ARHGEF28: variants seen among roughly 807,000 people sequenced by gnomAD.
ARHGEF28 encodes 190 kDa guanine nucleotide exchange factor.
ARHGEF28 carries 152 observed loss-of-function variants against 206.6 expected under a neutral mutation model. That is an observed-to-expected ratio of 0.74 (90% CI 0.64 to 0.84). ARHGEF28 has a LOEUF of 0.84. ARHGEF28 is among the 40% of genes least tolerant of loss of function. The pLI is 0.00. For missense variants in ARHGEF28, 2,028 were observed against 2,073.2 expected, an observed-to-expected ratio of 0.98 and a Z score of 0.42; for synonymous variants, 763 against 776.4, an observed-to-expected ratio of 0.98 and a Z score of 0.29.
intron 7 of ARHGEF28, among the ~76,000 whole-genome samples, chr5:73,783,621 C>A (rs1753981349): frequency 6.6e-6 from 1 of 152,114 alleles, no homozygotes; most frequent in Admixed American, 6.6e-5. Flanking sequence ...TGCCCTACAG[C>A]AGTGTGACAA....
At chr5:73,629,905 T>C (rs939308863) in intron 1 of ARHGEF28, among the ~76,000 whole-genome samples, 4 of 152,252 alleles carry the variant, frequency 2.6e-5, no homozygotes, top group African/African-American at 9.6e-5. Flanking sequence ...ACAAGCGATG[T>C]TCTCTTAAGA....
intron 35 of ARHGEF28, among the ~76,000 whole-genome samples, chr5:73,938,160 C>CCACACACACACACACACACACACACA (rs199804024): frequency 3.6e-5 from 5 of 139,548 alleles, no homozygotes; most frequent in Non-Finnish European, 6.2e-5. Flanking sequence ...CTACACTACA[C>CCACACACACACACACACACACACACA]CACACACACA....
chr5:73,911,665 C>T (rs923997786), intron 35 of ARHGEF28, 90 bp downstream of exon 35: 2 of 1,304,092 alleles, frequency 1.5e-6, no homozygotes, highest in Non-Finnish European at 2.1e-6. Context: ...AATCAAAGTC[C>T]TCCCTAGCAT....
intron 1 of ARHGEF28, among the ~76,000 whole-genome samples, chr5:73,678,655 G>A (rs368285903): frequency 1.3e-3 from 204 of 152,188 alleles, no homozygotes; most frequent in African/African-American, 4.5e-3. Context: ...ATGGGCTCCC[G>A]TGAGCTTGCC....
chr5:73,918,599 C>T (rs553696904), intron 35 of ARHGEF28, among the ~76,000 whole-genome samples: 3 of 152,246 alleles, frequency 2.0e-5, no homozygotes, highest in African/African-American at 7.2e-5. Context: ...TGTTCAGTCT[C>T]TGAAAACATA....
At chr5:73,842,719 C>T (rs1421222638) in intron 11 of ARHGEF28, among the ~76,000 whole-genome samples, 2 of 152,278 alleles carry the variant, frequency 1.3e-5, no homozygotes, top group Admixed American at 1.3e-4. Context: ...TGGCTCACAC[C>T]TGCAATCCCC....
chr5:73,860,175 G>A (rs2112617456), intron 16 of ARHGEF28, among the ~76,000 whole-genome samples: 1 of 152,212 alleles, frequency 6.6e-6, no homozygotes, highest in South Asian at 2.1e-4. Context: ...TTGGGCACTT[G>A]TTCATTTTTC....
chr5:73,887,402 A>G (rs1437392613), intron 25 of ARHGEF28: 1 of 400,696 alleles, frequency 2.5e-6, no homozygotes, highest in Non-Finnish European at 4.4e-6. Context: ...AGATTTACCT[A>G]TACCTACAGC....
At chr5:73,673,757 T>C (rs971379187) in intron 1 of ARHGEF28, among the ~76,000 whole-genome samples, 2 of 152,162 alleles carry the variant, frequency 1.3e-5, no homozygotes, top group African/African-American at 4.8e-5. Context: ...TTTTTCTCTT[T>C]TTACCCTATC....
chr5:73,655,100 G>A (rs1745100004), intron 1 of ARHGEF28, among the ~76,000 whole-genome samples: 1 of 152,188 alleles, frequency 6.6e-6, no homozygotes, highest in South Asian at 2.1e-4. Context: ...TAGTGGAGCT[G>A]GACAGCATTT....
chr5:73,808,325 G>A (rs1755635296), intron 9 of ARHGEF28, among the ~76,000 whole-genome samples: 1 of 152,158 alleles, frequency 6.6e-6, no homozygotes, highest in African/African-American at 2.4e-5. Context: ...CATTTTGAGA[G>A]AATAAAGTCC....
chr5:73,821,627 G>A (rs1409932444), intron 9 of ARHGEF28, among the ~76,000 whole-genome samples: 1 of 151,956 alleles, frequency 6.6e-6, no homozygotes, highest in Non-Finnish European at 1.5e-5. Flanking sequence ...GTCAGAGTCC[G>A]CCGCTTCATT....
At chr5:73,668,366 C>T (rs776897322) in intron 1 of ARHGEF28, among the ~76,000 whole-genome samples, 1 of 152,100 alleles carries the variant, frequency 6.6e-6, no homozygotes, top group Non-Finnish European at 1.5e-5. Context: ...ATTGGGAGAC[C>T]ACATCTGCTG....
At position 73,684,818 on chromosome 5, in the gene ARHGEF28, CTT is replaced by C. The variant is rs758085789; in HGVS notation, c.-11-22_-11-21del. 3.1e-6 allele frequency: 5 copies of C among 1,604,172 alleles called. No individual in the cohort carries two copies. The African/African-American group carries it at 4.0e-5, about 13-fold the overall frequency. ...CATGGGGCCTCCTGCAATAACTTCT[CTT>C]GTTTATTATTTTCATTGCAGATGCG... On this transcript the variant is annotated intron_variant, in intron 1 of 35. Coordinates refer to ENST00000513042, the MANE Select transcript of ARHGEF28 (RefSeq NM_001177693.2).
chr5:73,777,615 A>G (rs973911130), intron 6 of ARHGEF28, among the ~76,000 whole-genome samples: 2 of 152,244 alleles, frequency 1.3e-5, no homozygotes, highest in Non-Finnish European at 1.5e-5. Context: ...CTTACTCCAT[A>G]TAGAGTTTTA....
chr5:73,696,625 C>G (rs1748234011), intron 2 of ARHGEF28, among the ~76,000 whole-genome samples: 1 of 152,176 alleles, frequency 6.6e-6, no homozygotes, highest in Non-Finnish European at 1.5e-5. Context: ...AACGAATATT[C>G]ATTTTCAATC....
chr5:73,807,130 G>A (rs1205094647), intron 9 of ARHGEF28, among the ~76,000 whole-genome samples: 2 of 151,104 alleles, frequency 1.3e-5, no homozygotes, highest in East Asian at 3.9e-4. Flanking sequence ...CTAATAGGAG[G>A]GATTTCTTTC....
In ARHGEF28 at chr5:73,798,104, C is replaced by A. The variant is rs184396550; in HGVS notation, c.1024+2713C>A. On this transcript the variant is annotated intron_variant, in intron 9 of 35. Coordinates refer to ENST00000513042, the MANE Select transcript of ARHGEF28 (RefSeq NM_001177693.2). ...CTATTTTTTTTAAGTTGTTGTGGTA[C>A]ATTGGAGATGTATATATTTTTAGGG... 2.6e-3 allele frequency among the ~76,000 whole-genome samples: 391 copies of A among 152,042 alleles called. 1 individual carries two copies. The highest frequency in any genetic ancestry group is 8.7e-3 in the African/African-American group (360 of 41,434).
chr5:73,867,812 G>A, intron 18 of ARHGEF28, 64 bp from the exon 19 acceptor site: 1 of 1,604,980 alleles, frequency 6.2e-7, no homozygotes. Context: ...TGGCTTTTAA[G>A]TGACTACTTT....
Sources: gnomAD v4.1 joint callset for allele counts (sites outside exome capture counted in the v4.1 genomes callset) on GRCh38, gnomAD v4.1.1 for gene constraint, MANE v1.5 for transcripts, NCBI Gene and HGNC (gene_info 2026-07-23, HGNC 2026-07-21) for gene names.